Variants in KDM4C observed in about 807,000 individuals in gnomAD.
KDM4C encodes the protein lysine-specific demethylase 4C.
In KDM4C, 81 loss-of-function variants were observed where a neutral mutation model predicts 129.3. That is an observed-to-expected ratio of 0.63 (90% confidence interval 0.52 to 0.75). The LOEUF (loss-of-function observed/expected upper bound fraction) is 0.75, where lower values mean the gene tolerates loss of function less well. KDM4C is among the 30% of genes least tolerant of loss of function. The probability of loss-of-function intolerance (pLI) is 0.00; values close to 1 mark genes in which losing one functional copy is unlikely to be tolerated. For missense variants in KDM4C, 1,457 were observed against 1,304.0 expected, an observed-to-expected ratio of 1.12 and a Z score of -1.81; for synonymous variants, 573 against 456.1, an observed-to-expected ratio of 1.26 and a Z score of -3.26.
intron 15 of KDM4C, among the ~76,000 whole-genome samples, chr9:7,038,131 A>C (rs918932915): frequency 2.0e-5 from 3 of 152,244 alleles, no homozygotes; most frequent in Non-Finnish European, 2.9e-5. Flanking sequence ...TAATTAAAAG[A>C]AAATAGAAAA....
Position 6,808,064 on chromosome 9 carries a change from G to T in KDM4C, c.320+2290G>T, listed in dbSNP as rs112676405. ...GGGGCGCCTCTGCCCGGCCGCCCCT[G>T]CTGGGAAGTGAGGAGCCCCTCTGCC... On this transcript the variant is annotated intron_variant, in intron 3 of 21. Transcript: ENST00000381309. 4.9e-4 allele frequency among the ~76,000 whole-genome samples: 21 copies of T among 43,132 alleles called. 1 individual carries two copies. The highest frequency in any genetic ancestry group is 3.2e-3 in the Admixed American group (18 of 5,600). 28.3% of individuals were successfully genotyped at this position (43,132 alleles called of 152,430 possible). A position where few individuals can be genotyped will look rare whatever the true frequency, so the allele number is the denominator to read the frequency against.
At chr9:7,078,373 G>T (rs1403333995) in intron 17 of KDM4C, among the ~76,000 whole-genome samples, 10 of 151,166 alleles carry the variant, frequency 6.6e-5, no homozygotes, top group East Asian at 1.9e-4. Context: ...TTTTAGCAGA[G>T]AAATTGTTCC....
chr9:6,721,038 T>A (rs1273976237), intron 1 of KDM4C: 1 of 1,509,190 alleles, frequency 6.6e-7, no homozygotes, highest in Non-Finnish European at 9.0e-7. Context: ...ACTTTGTACA[T>A]AGTTGGTGGT....
chr9:7,147,207 C>CT (rs1174953470), intron 19 of KDM4C, among the ~76,000 whole-genome samples: 1 of 152,176 alleles, frequency 6.6e-6, no homozygotes, highest in Non-Finnish European at 1.5e-5. Flanking sequence ...TTTTCTTTGA[C>CT]TGTGAGTGGC....
chr9:7,150,335 A>G (rs924082606), intron 19 of KDM4C, among the ~76,000 whole-genome samples: 2 of 152,172 alleles, frequency 1.3e-5, no homozygotes, highest in East Asian at 1.9e-4. Flanking sequence ...GGCATGAGGA[A>G]CTTTGGTTAA....
At chr9:7,112,697 C>T (rs890344811) in intron 18 of KDM4C, among the ~76,000 whole-genome samples, 3 of 152,160 alleles carry the variant, frequency 2.0e-5, no homozygotes, top group Non-Finnish European at 4.4e-5. Context: ...CTTTCAGTTT[C>T]CTTTTTATTT....
intron 12 of KDM4C, among the ~76,000 whole-genome samples, chr9:7,010,067 T>C (rs1273496300): frequency 6.6e-6 from 1 of 152,236 alleles, no homozygotes; most frequent in Non-Finnish European, 1.5e-5. Flanking sequence ...AACATGGATG[T>C]AACCAAATAT....
chr9:6,748,827 T>C (rs778431281), intron 1 of KDM4C: 4 of 1,258,520 alleles, frequency 3.2e-6, no homozygotes, highest in Non-Finnish European at 4.7e-6. Flanking sequence ...GTTCATATAC[T>C]CATCAAAACC....
chr9:6,801,741 A>G (rs1016139001), intron 2 of KDM4C, among the ~76,000 whole-genome samples: 4 of 152,132 alleles, frequency 2.6e-5, no homozygotes, highest in Non-Finnish European at 5.9e-5. Flanking sequence ...ACTTCTATAC[A>G]TTAATAAGGA....
chr9:6,979,454 T>G (rs1219153209), intron 8 of KDM4C, among the ~76,000 whole-genome samples: 1 of 152,120 alleles, frequency 6.6e-6, no homozygotes, highest in Non-Finnish European at 1.5e-5. Flanking sequence ...GCATTTGGGC[T>G]CCCATGACTT....
chr9:6,937,029 G>C (rs948540611), intron 8 of KDM4C, among the ~76,000 whole-genome samples: 5 of 152,150 alleles, frequency 3.3e-5, no homozygotes, highest in African/African-American at 7.2e-5. Flanking sequence ...TTATTGTGTA[G>C]ATTTTATGTA....
At chr9:7,081,678 G>A (rs1466372224) in intron 17 of KDM4C, among the ~76,000 whole-genome samples, 1 of 152,156 alleles carries the variant, frequency 6.6e-6, no homozygotes, top group Non-Finnish European at 1.5e-5. Flanking sequence ...GAGCCTACAG[G>A]GATAATGGGG....
intron 8 of KDM4C, among the ~76,000 whole-genome samples, chr9:6,962,210 C>T (rs1244763309): frequency 1.3e-5 from 2 of 152,186 alleles, no homozygotes; most frequent in African/African-American, 4.8e-5. Flanking sequence ...TTTGTATGCT[C>T]AACAGCCTGG....
chr9:6,731,267 C>T (rs1377216101), intron 1 of KDM4C, among the ~76,000 whole-genome samples: 2 of 150,660 alleles, frequency 1.3e-5, no homozygotes, highest in Non-Finnish European at 2.9e-5. Context: ...TATGAGTTTC[C>T]TTAAAGTCTT....
In KDM4C at chr9:6,916,572, T is replaced by C. The variant is rs559013818; in HGVS notation, c.921+23340T>C. 3.9e-4 allele frequency among the ~76,000 whole-genome samples: 59 copies of C among 152,320 alleles called. 3 individuals carry two copies. In the South Asian group the frequency reaches 0.011, roughly 29 times the overall value. On this transcript the variant is annotated intron_variant, in intron 8 of 21. Transcript: ENST00000381309. ...ACTGTGCCTGGCTGATATTTTTCTT[T>C]ATTGGCTAATTCGTTTGACCAGATG...
intron 6 of KDM4C, among the ~76,000 whole-genome samples, chr9:6,886,699 G>A (rs774104453): frequency 2.0e-5 from 3 of 151,898 alleles, no homozygotes; most frequent in Non-Finnish European, 4.4e-5. Flanking sequence ...TTACCATGTT[G>A]GCCAGGCTGG....
intron 14 of KDM4C, chr9:7,014,455 CTCTAT>C (rs1823278905): frequency 6.4e-6 from 1 of 155,154 alleles, no homozygotes; most frequent in Non-Finnish European, 1.4e-5. Flanking sequence ...GGATAGGAAT[CTCTAT>C]TGTATTCCAG....
intron 17 of KDM4C, among the ~76,000 whole-genome samples, chr9:7,064,497 A>G (rs1564068466): frequency 1.3e-5 from 2 of 152,154 alleles, no homozygotes; most frequent in Admixed American, 6.5e-5. Flanking sequence ...AAATGAATTG[A>G]TACGAGGCAG....
At chr9:6,842,048 G>T (rs1837028310) in intron 4 of KDM4C, among the ~76,000 whole-genome samples, 1 of 152,182 alleles carries the variant, frequency 6.6e-6, no homozygotes, top group Admixed American at 6.5e-5. Context: ...GTGGATTCCT[G>T]TTAGGTTCCT....
Sources: allele counts gnomAD v4.1 joint callset (sites outside exome capture counted in the v4.1 genomes callset), GRCh38; gene constraint gnomAD v4.1.1; transcripts MANE v1.5; gene names NCBI Gene and HGNC (gene_info 2026-07-23, HGNC 2026-07-21).